The following TGM4 variants were observed in gnomAD, a reference collection of about 807,000 sequenced individuals.
TGM4 encodes the protein transglutaminase 4, also known as protein-glutamine gamma-glutamyltransferase 4.
In TGM4, 61 loss-of-function variants were observed where a neutral mutation model predicts 76.3. The ratio of observed to expected loss-of-function variants is 0.80; its 90% confidence interval spans 0.65 to 0.99. The LOEUF is 0.99. Ranked by LOEUF, TGM4 falls within the 50% of genes least tolerant of loss-of-function variation. TGM4 has a pLI of 0.00. For missense variants in TGM4, 794 were observed against 843.2 expected, an observed-to-expected ratio of 0.94 and a Z score of 0.72; for synonymous variants, 337 against 329.8, an observed-to-expected ratio of 1.02 and a Z score of -0.24.
intron 7 of TGM4, 42 bp downstream of exon 7, chr3:44,901,740 G>A (rs776756934): frequency 2.4e-5 from 39 of 1,612,774 alleles, no homozygotes; most frequent in Non-Finnish European, 3.1e-5. Context: ...GGTCCCAAGG[G>A]AGGGACTCCC....
chr3:44,905,805 G>C (rs1431190132), intron 9 of TGM4, among the ~76,000 whole-genome samples: 1 of 147,542 alleles, frequency 6.8e-6, no homozygotes, highest in African/African-American at 2.5e-5. Context: ...GGCCCCCAGA[G>C]GTGGGAGGAG....
At position 44,913,858 on chromosome 3, in the gene TGM4, C is replaced by A; in HGVS notation, c.*133C>A. The A allele has an allele frequency of 7.9e-7, 1 of 1,269,478 alleles. No individual in the cohort carries two copies. The highest frequency in any genetic ancestry group is 1.1e-6 in the Non-Finnish European group (1 of 923,646). The allele number at this position is 1,269,478 out of a possible 1,614,324, so 78.6% of individuals were successfully genotyped here. ...TCAAGAGCCAGCAGGTCAAAAAGGC[C>A]AACACAACCATAAGCAGCCAGACCC... On this transcript the variant is annotated 3_prime_UTR_variant, in exon 14 of 14. Transcript: ENST00000296125.
At chr3:44,888,933 G>A (rs1257033079) in intron 3 of TGM4, 1 of 151,766 alleles carries the variant, frequency 6.6e-6, no homozygotes, top group Non-Finnish European at 1.5e-5. Context: ...CCACCTCTTG[G>A]GCTACCTCTG....
intron 1 of TGM4, among the ~76,000 whole-genome samples, chr3:44,877,411 G>T (rs2125745445): frequency 6.6e-6 from 1 of 152,230 alleles, no homozygotes; most frequent in South Asian, 2.1e-4. Context: ...CTGCACTCCA[G>T]TCTGGGCAAC....
intron 6 of TGM4, chr3:44,899,191 G>T (rs1478665191): frequency 6.6e-6 from 1 of 152,262 alleles, no homozygotes. Context: ...CTTATGCGTG[G>T]TGGGGTTTGG....
chr3:44,911,373 T>G lies in TGM4; in HGVS notation c.1880T>G (p.Leu627Arg). Reference protein sequence around the residue: ...LTDVKFSLESLGISSLQTSDH... With the variant: ...LTDVKFSLESRGISSLQTSDH... The stretch of plus-strand genomic sequence containing the variant: ...GACGTCAAGTTCTCTTTGGAAAGCC[T>G]GGGCATCTCCTCACTACAGACCTCT... Residue 627 changes from leucine to arginine, a missense_variant, in exon 13 of 14, where the codon CTG becomes CGG. By Grantham distance (102) the Leu-to-Arg change is moderately radical. Coordinates refer to ENST00000296125, the MANE Select transcript of TGM4 (RefSeq NM_003241.4). 8.7e-6 allele frequency: 14 copies of G among 1,614,260 alleles called. No individual in the cohort carries two copies. Among genetic ancestry groups the G allele is most frequent in the Non-Finnish European group, 1.1e-5 (13 of 1,180,050 alleles).
intron 3 of TGM4, among the ~76,000 whole-genome samples, chr3:44,889,951 A>G (rs1390745741): frequency 6.6e-6 from 1 of 152,236 alleles, no homozygotes; most frequent in Non-Finnish European, 1.5e-5. Context: ...TAATTGACTC[A>G]CAGTTCCACA....
rs554871273 is a variant in TGM4 at position 44,907,125 on chromosome 3, G to A, written c.1252G>A (p.Gly418Arg). ...HVISMETTSIGKNISTKAVGQ... is the reference protein window; with the variant it reads ...HVISMETTSIRKNISTKAVGQ... ...AATTTCAATGGAGACCACAAGCATC[G>A]GGAAAAACATCAGCACCAAGGCAGT... Residue 418 changes from glycine (G) to arginine (R), a missense_variant, in exon 10 of 14, where the codon GGG becomes AGG. Coordinates refer to ENST00000296125, the MANE Select transcript of TGM4 (RefSeq NM_003241.4). 30 of 1,614,026 alleles carry A rather than the reference G, an allele frequency of 1.9e-5. No homozygotes were observed. The highest frequency in any genetic ancestry group is 1.5e-4 in the South Asian group (14 of 91,064).
At chr3:44,879,257 C>CTA (rs1553671338) in intron 1 of TGM4, among the ~76,000 whole-genome samples, 57 of 100,450 alleles carry the variant, frequency 5.7e-4, no homozygotes, top group Admixed American at 1.2e-3. Flanking sequence ...CTCTCTCTCT[C>CTA]TCTCTCTCTA....
chr3:44,901,722 A>C (rs1284173761), intron 7 of TGM4, 24 bp downstream of exon 7: 2 of 1,612,532 alleles, frequency 1.2e-6, no homozygotes, highest in Non-Finnish European at 8.5e-7. Context: ...CCAGGGGCTG[A>C]GGGGAGAGGT....
In TGM4 at chr3:44,893,599, T is replaced by C; in HGVS notation, c.453T>C (p.Asp151=). The change falls in exon 5 of 14, where the codon GAT becomes GAC. Residue 151 remains aspartate (D), a synonymous_variant. Transcript: ENST00000296125. ...WCKEDMVFMP[D]EDERKEYILN... is the part of the protein sequence containing the mutation. Reference sequence around the variant, plus strand: ...CAGAGGACATGGTTTTCATGCCTGATGAGGACGAGCGCAAAGAGTACATCC... The same window carrying C: ...CAGAGGACATGGTTTTCATGCCTGACGAGGACGAGCGCAAAGAGTACATCC... 1.2e-6 allele frequency: 2 copies of C among 1,613,882 alleles called. No homozygotes were observed. The highest frequency in any genetic ancestry group is 1.7e-6 in the Non-Finnish European group (2 of 1,179,856).
intron 6 of TGM4, among the ~76,000 whole-genome samples, chr3:44,897,892 G>A (rs1247256016): frequency 1.3e-5 from 2 of 152,188 alleles, no homozygotes; most frequent in Non-Finnish European, 2.9e-5. Context: ...TGTCTGGCTT[G>A]CTAGAAGTCA....
chr3:44,878,761 C>T lies in TGM4; in HGVS notation c.19+4064C>T, dbSNP rs1699486508. On this transcript the variant is annotated intron_variant, in intron 1 of 13. Coordinates refer to ENST00000296125, the MANE Select transcript of TGM4 (RefSeq NM_003241.4). ...CCTCCCAAAATGCTGGGATTACAGG[C>T]GTGAGCCGCTGCGCCTGGCCTCTTC... Among the ~76,000 whole-genome samples the T allele has an allele frequency of 2.0e-5, 3 of 152,056 alleles. No homozygotes were observed. In the South Asian group the frequency reaches 6.2e-4, roughly 32 times the overall value.
chr3:44,877,035 TG>T (rs2125745300), intron 1 of TGM4, among the ~76,000 whole-genome samples: 1 of 152,242 alleles, frequency 6.6e-6, no homozygotes, highest in South Asian at 2.1e-4. Flanking sequence ...CCAGGTATGG[TG>T]GTTCATGCCT....
intron 6 of TGM4, among the ~76,000 whole-genome samples, chr3:44,898,987 T>G (rs1699817661): frequency 6.6e-6 from 1 of 152,188 alleles, no homozygotes; most frequent in South Asian, 2.1e-4. Context: ...TAGTTCTCAG[T>G]GGTGCAGGTG....
intron 1 of TGM4, 125 bp downstream of exon 1, chr3:44,874,822 C>G: frequency 8.9e-7 from 1 of 1,125,996 alleles, no homozygotes. Flanking sequence ...GGCCCTGGTG[C>G]TGCTTGCTTT....
At chr3:44,879,567 G>C (rs1699504572) in intron 1 of TGM4, among the ~76,000 whole-genome samples, 1 of 150,822 alleles carries the variant, frequency 6.6e-6, no homozygotes, top group African/African-American at 2.4e-5. Context: ...CTGCCTCCCA[G>C]GTTCACGCCA....
chr3:44,904,169 C>T (rs1699893450), intron 9 of TGM4, among the ~76,000 whole-genome samples, 182 bp downstream of exon 9: 1 of 152,186 alleles, frequency 6.6e-6, no homozygotes, highest in African/African-American at 2.4e-5. Flanking sequence ...AGTTTGCTGG[C>T]TATTTTTATG....
chr3:44,878,875 C>T (rs1699488069), intron 1 of TGM4, among the ~76,000 whole-genome samples: 2 of 152,162 alleles, frequency 1.3e-5, no homozygotes, highest in South Asian at 4.1e-4. Flanking sequence ...ATCACCTCTT[C>T]GCTGCTGCTC....
Sources: gnomAD v4.1 joint callset for allele counts (sites outside exome capture counted in the v4.1 genomes callset) on GRCh38, gnomAD v4.1.1 for gene constraint, MANE v1.5 for transcripts, NCBI Gene and HGNC (gene_info 2026-07-23, HGNC 2026-07-21) for gene names.